Variants in FSHR observed in about 807,000 individuals in gnomAD.
The protein encoded by FSHR is follicle-stimulating hormone receptor.
A neutral mutation model predicts 52.1 loss-of-function variants in FSHR; 46 were observed. The observed-to-expected ratio is 0.88, with a 90% confidence interval of 0.70 to 1.13. FSHR has a LOEUF of 1.13. FSHR is among the 50% of genes most tolerant of loss of function. The pLI, the probability that FSHR is intolerant of heterozygous loss-of-function variation, is 0.00. For synonymous variants in FSHR, 399 were observed against 309.6 expected, an observed-to-expected ratio of 1.29 and a Z score of -3.03; for missense variants, 964 against 834.6, an observed-to-expected ratio of 1.16 and a Z score of -1.91.
rs1288791221 is a variant in FSHR, at chr2:48,963,564, T to C, written c.1257A>G (p.Ala419=). 6.2e-7 allele frequency: 1 copy of C among 1,614,172 alleles called. No homozygotes were observed. Among genetic ancestry groups the C allele is most frequent in the South Asian group, 1.1e-5 (1 of 91,082 alleles). ...LCIGIYLLLI[A]SVDIHTKSQY... is the part of the protein sequence containing the mutation. ...GGCTCTTGGTATGGATATCAACTGATGCAATGAGCAGCAGGTAGATTCCAA... is the reference window on the plus strand; with the variant it reads ...GGCTCTTGGTATGGATATCAACTGACGCAATGAGCAGCAGGTAGATTCCAA... The change falls in exon 10 of 10, where the codon GCA becomes GCG. Residue 419 remains alanine, a synonymous_variant. Transcript: ENST00000406846.
chr2:48,999,394 T>C (rs1477161482), intron 4 of FSHR, among the ~76,000 whole-genome samples: 1 of 152,094 alleles, frequency 6.6e-6, no homozygotes, highest in Non-Finnish European at 1.5e-5. Flanking sequence ...AGGTTGAATT[T>C]AGATTTTTCT....
intron 1 of FSHR, among the ~76,000 whole-genome samples, chr2:49,151,735 G>C (rs1504176): frequency 0.3 from 45,203 of 151,902 alleles, 6,972 homozygotes; most frequent in East Asian, 0.47. Flanking sequence ...CGCAAACTTG[G>C]AAGATTGTAA....
intron 2 of FSHR, among the ~76,000 whole-genome samples, chr2:49,057,559 C>T (rs1327667947): frequency 2.0e-5 from 3 of 151,952 alleles, no homozygotes; most frequent in Non-Finnish European, 4.4e-5. Context: ...CAAAGAAAAG[C>T]CCAGGACCAG....
At chr2:49,120,721 G>T (rs913236683) in intron 1 of FSHR, among the ~76,000 whole-genome samples, 1 of 152,092 alleles carries the variant, frequency 6.6e-6, no homozygotes, top group African/African-American at 2.4e-5. Context: ...AACCTCTCTG[G>T]CCTCACTCTC....
intron 4 of FSHR, among the ~76,000 whole-genome samples, chr2:48,993,661 G>C (rs1675885467): frequency 6.6e-6 from 1 of 152,122 alleles, no homozygotes; most frequent in African/African-American, 2.4e-5. Context: ...ATAAAACTTA[G>C]AGTAAAATTT....
intron 1 of FSHR, among the ~76,000 whole-genome samples, chr2:49,142,586 C>T (rs1333459076): frequency 6.6e-6 from 1 of 152,182 alleles, no homozygotes; most frequent in Non-Finnish European, 1.5e-5. Flanking sequence ...AGTCATAAAA[C>T]ATGAGTGTAA....
At chr2:49,000,989 C>A (rs1666861710) in intron 4 of FSHR, among the ~76,000 whole-genome samples, 2 of 152,144 alleles carry the variant, frequency 1.3e-5, no homozygotes, top group Non-Finnish European at 2.9e-5. Context: ...ATTTGTGTAG[C>A]ACATACCTGA....
chr2:49,038,403 C>T (rs896627033), intron 2 of FSHR, among the ~76,000 whole-genome samples: 2 of 151,782 alleles, frequency 1.3e-5, no homozygotes, highest in South Asian at 2.1e-4. Context: ...GGGCGGATCA[C>T]GAGGTCAGGA....
In FSHR at chr2:49,020,160, T is replaced by C; in HGVS notation, c.225A>G (p.Ile75Met). 1 of 1,611,868 alleles carries C rather than the reference T, an allele frequency of 6.2e-7. No homozygotes were observed. Among genetic ancestry groups the C allele is most frequent in the Non-Finnish European group, 8.5e-7 (1 of 1,177,986 alleles). ...CCAAGACATCATTCTGAGAGATCTC[T>C]CTGTGGAGAAAAAAATATATAAGTC... ...AFSGFGDLEKIEISQNDVLEV... is the reference protein window; with the variant it reads ...AFSGFGDLEKMEISQNDVLEV... The change falls in exon 3 of 10, where the codon ATA (isoleucine) becomes ATG (methionine). Residue 75 changes from isoleucine to methionine, a missense_variant and splice_region_variant. Physicochemically the swap from Ile to Met is conservative, Grantham distance 10. Coordinates refer to ENST00000406846, the MANE Select transcript of FSHR (RefSeq NM_000145.4).
intron 3 of FSHR, among the ~76,000 whole-genome samples, chr2:49,018,540 C>T (rs1220805825): frequency 1.3e-5 from 2 of 152,228 alleles, no homozygotes; most frequent in Non-Finnish European, 2.9e-5. Context: ...CCACTACCTT[C>T]ACTGTCCATT....
At chr2:49,012,794 G>T (rs1253305119) in intron 4 of FSHR, among the ~76,000 whole-genome samples, 2 of 152,050 alleles carry the variant, frequency 1.3e-5, no homozygotes, top group Middle Eastern at 6.3e-3. Flanking sequence ...TGAAATCGTT[G>T]CCATCTACCT....
chr2:48,990,735 C>A (rs1402828598), intron 4 of FSHR, 98 bp from the exon 5 acceptor site: 2 of 817,384 alleles, frequency 2.4e-6, no homozygotes, highest in Non-Finnish European at 4.3e-6. Flanking sequence ...CAATTTTGAA[C>A]CATCAGAAAA....
intron 1 of FSHR, among the ~76,000 whole-genome samples, chr2:49,115,380 C>T (rs933001928): frequency 8.5e-5 from 13 of 152,076 alleles, no homozygotes; most frequent in African/African-American, 2.9e-4. Flanking sequence ...TTCTATGGAG[C>T]AGACACTATT....
At chr2:49,140,875 T>G (rs1001517029) in intron 1 of FSHR, among the ~76,000 whole-genome samples, 2 of 152,140 alleles carry the variant, frequency 1.3e-5, no homozygotes, top group Non-Finnish European at 2.9e-5. Context: ...TAGGGAGCAT[T>G]TACAGTGATT....
intron 4 of FSHR, among the ~76,000 whole-genome samples, chr2:49,003,239 C>G (rs899487503): frequency 2.0e-5 from 3 of 152,152 alleles, no homozygotes; most frequent in Non-Finnish European, 4.4e-5. Flanking sequence ...CAGCTGCTCC[C>G]CTCTCTACCC....
chr2:49,102,710 G>A (rs1311860895), intron 1 of FSHR, among the ~76,000 whole-genome samples: 1 of 152,114 alleles, frequency 6.6e-6, no homozygotes, highest in Non-Finnish European at 1.5e-5. Flanking sequence ...TGAAATCTAG[G>A]ATGATGTATA....
chr2:49,057,403 T>C (rs1373533232), intron 2 of FSHR, among the ~76,000 whole-genome samples: 1 of 152,078 alleles, frequency 6.6e-6, no homozygotes, highest in African/African-American at 2.4e-5. Flanking sequence ...AAGATTGCTA[T>C]GAACAAGTAT....
At chr2:49,066,643 G>C (rs1000695878) in intron 2 of FSHR, among the ~76,000 whole-genome samples, 14 of 152,112 alleles carry the variant, frequency 9.2e-5, no homozygotes, top group Non-Finnish European at 1.5e-4. Context: ...AACAAGTTGA[G>C]TTACTGAGCC....
At chr2:49,015,386 A>C (rs1667448533) in intron 4 of FSHR, among the ~76,000 whole-genome samples, 1 of 152,210 alleles carries the variant, frequency 6.6e-6, no homozygotes, top group African/African-American at 2.4e-5. Flanking sequence ...GGGCTGGTAG[A>C]CCTTGAGTAT....
Sources: gnomAD v4.1 joint callset for allele counts (sites outside exome capture counted in the v4.1 genomes callset) on GRCh38, gnomAD v4.1.1 for gene constraint, MANE v1.5 for transcripts, NCBI Gene and HGNC (gene_info 2026-07-23, HGNC 2026-07-21) for gene names.